The following FOXP1 variants were observed in gnomAD, a reference collection of about 807,000 sequenced individuals.
FOXP1 encodes the protein forkhead box protein P1.
Under a neutral mutation model 98.2 loss-of-function variants are expected in FOXP1, and 15 were observed. The ratio of observed to expected loss-of-function variants is 0.15; its 90% CI spans 0.10 to 0.24. FOXP1 has a LOEUF of 0.24. Among genes scored for constraint, FOXP1 ranks in the 10% least tolerant of loss-of-function variants. The pLI is 1.00. For missense variants in FOXP1, 633 were observed against 848.5 expected (o/e 0.75, Z 3.15); for synonymous variants, 371 against 314.5 (o/e 1.18, Z -1.90).
At chr3:71,398,234 T>C (rs1033074340) in intron 3 of FOXP1, among the ~76,000 whole-genome samples, 1 of 152,248 alleles carries the variant, frequency 6.6e-6, no homozygotes, top group African/African-American at 2.4e-5. Context: ...GTCAAGTCGA[T>C]GTGTGCAATA....
chr3:71,041,283 C>T lies in FOXP1; in HGVS notation c.869+45G>A, dbSNP rs1226535484. ...ACGAGGCAGGGCCACCCACCCCTCT[C>T]ATGTTAAAGGCAGTTTTGGACCCAT... On this transcript the variant is annotated intron_variant, in intron 11 of 20. Transcript: ENST00000649528. The T allele has an allele frequency of 2.6e-6, 4 of 1,542,002 alleles. No homozygotes were observed. The East Asian group carries it at 6.7e-5, about 26-fold the overall frequency.
intron 3 of FOXP1, among the ~76,000 whole-genome samples, chr3:71,361,781 C>A (rs2078589570): frequency 6.6e-6 from 1 of 152,094 alleles, no homozygotes; most frequent in Non-Finnish European, 1.5e-5. Flanking sequence ...TAATGAGAGC[C>A]CTCATGTTTA....
chr3:71,438,608 CCCTTGGGTCTTTTGGA>C (rs2085598218), intron 3 of FOXP1, among the ~76,000 whole-genome samples: 1 of 152,118 alleles, frequency 6.6e-6, no homozygotes, highest in Admixed American at 6.6e-5. Context: ...GACTGCCTCT[CCCTTGGGTCTTTTGGA>C]CCTCATTTAT....
chr3:70,994,279 G>A (rs1050009715), intron 13 of FOXP1, among the ~76,000 whole-genome samples: 1 of 151,812 alleles, frequency 6.6e-6, no homozygotes, highest in Admixed American at 6.6e-5. Flanking sequence ...ACTCCTCCCA[G>A]CTTGCCCAGG....
chr3:71,447,917 T>C (rs2086600544), intron 3 of FOXP1, among the ~76,000 whole-genome samples: 1 of 152,180 alleles, frequency 6.6e-6, no homozygotes, highest in Non-Finnish European at 1.5e-5. Flanking sequence ...CAGAGACAAG[T>C]GTAGACACGT....
At chr3:71,032,488 AC>A (rs2106692105) in intron 11 of FOXP1, among the ~76,000 whole-genome samples, 1 of 152,332 alleles carries the variant, frequency 6.6e-6, no homozygotes, top group East Asian at 1.9e-4. Flanking sequence ...GTGAGCTTCC[AC>A]TATTGTTTTA....
intron 4 of FOXP1, among the ~76,000 whole-genome samples, chr3:71,301,070 C>T (rs890218937): frequency 4.6e-5 from 7 of 152,206 alleles, no homozygotes; most frequent in East Asian, 1.9e-4. Flanking sequence ...TGGAAAAAGA[C>T]GCAGGCTCTG....
chr3:71,176,530 G>T (rs1190687898), intron 6 of FOXP1, among the ~76,000 whole-genome samples: 1 of 152,056 alleles, frequency 6.6e-6, no homozygotes, highest in Non-Finnish European at 1.5e-5. Flanking sequence ...ATAGCATGCT[G>T]CAAACGTCAC....
intron 7 of FOXP1, among the ~76,000 whole-genome samples, chr3:71,059,404 CA>C (rs942785707): frequency 5.9e-5 from 9 of 152,146 alleles, no homozygotes; most frequent in African/African-American, 2.2e-4. Flanking sequence ...CCCAGGCACA[CA>C]AGGTTACTCC....
chr3:71,473,287 T>C (rs1305227818), intron 3 of FOXP1, among the ~76,000 whole-genome samples: 1 of 152,120 alleles, frequency 6.6e-6, no homozygotes, highest in East Asian at 1.9e-4. Flanking sequence ...CCCTAAATTG[T>C]GGGTCAGCAA....
At chr3:71,169,924 A>T (rs1038391504) in intron 6 of FOXP1, among the ~76,000 whole-genome samples, 7 of 152,204 alleles carry the variant, frequency 4.6e-5, no homozygotes, top group Admixed American at 4.6e-4. Flanking sequence ...AGTTAAAACG[A>T]TGGGATGAAT....
At chr3:71,396,609 C>T (rs894595194) in intron 3 of FOXP1, among the ~76,000 whole-genome samples, 1 of 151,900 alleles carries the variant, frequency 6.6e-6, no homozygotes, top group African/African-American at 2.4e-5. Context: ...AAGCAACCTA[C>T]CTTCAAGTAA....
At position 70,955,562 on chromosome 3, in the gene FOXP1, C is replaced by G. The variant is rs114680316; in HGVS notation, c.*3685G>C. Reference sequence around the variant, plus strand: ...ACAGATTTTCTTTACATCTTGGCACCTTGTAAAGTTTTTTTTTTTTTATAC... The same window carrying G: ...ACAGATTTTCTTTACATCTTGGCACGTTGTAAAGTTTTTTTTTTTTTATAC... On this transcript the variant is annotated 3_prime_UTR_variant, in exon 21 of 21. Transcript: ENST00000649528. The G allele has an allele frequency of 8.8e-6, 2 of 227,356 alleles. No homozygotes were observed. Among genetic ancestry groups the G allele is most frequent in the African/African-American group, 2.4e-5 (1 of 41,270 alleles). 14.1% of individuals were successfully genotyped at this position (227,356 alleles called of 1,614,324 possible). A position where few individuals can be genotyped will look rare whatever the true frequency, so the allele number is the denominator to read the frequency against.
intron 7 of FOXP1, among the ~76,000 whole-genome samples, chr3:71,066,330 T>C (rs1193585254): frequency 6.6e-6 from 1 of 152,174 alleles, no homozygotes; most frequent in African/African-American, 2.4e-5. Flanking sequence ...CAAAGTATGA[T>C]CAGATGTTAA....
At chr3:71,091,162 GC>G (rs1368829452) in intron 7 of FOXP1, among the ~76,000 whole-genome samples, 5 of 91,498 alleles carry the variant, frequency 5.5e-5, no homozygotes. Context: ...GAATTAATCT[GC>G]TGGGTAGACA....
intron 9 of FOXP1, among the ~76,000 whole-genome samples, chr3:71,048,350 A>G (rs539709591): frequency 4.6e-5 from 7 of 152,320 alleles, no homozygotes; most frequent in African/African-American, 1.4e-4. Flanking sequence ...ATAAAATGGT[A>G]TGTATATCAA....
intron 5 of FOXP1, among the ~76,000 whole-genome samples, chr3:71,246,814 T>C (rs890979144): frequency 3.9e-4 from 60 of 152,234 alleles, no homozygotes; most frequent in African/African-American, 1.4e-3. Flanking sequence ...CTTCATCGTA[T>C]AGACAATTTC....
In FOXP1 at chr3:71,214,416, G is replaced by A. The variant is rs114540095; in HGVS notation, c.-11-16024C>T. 2.3e-3 allele frequency among the ~76,000 whole-genome samples: 355 copies of A among 152,248 alleles called. 2 individuals are homozygous for A. Among genetic ancestry groups the A allele is most frequent in the Non-Finnish European group, 4.1e-3 (282 of 68,028 alleles). ...CTTCTCTTTGCCTGCTGAGTGCTGG[G>A]GCCACTGGATGACTACAGGGTCAAC... On this transcript the variant is annotated intron_variant, in intron 5 of 20. Coordinates refer to ENST00000649528, the MANE Select transcript of FOXP1 (RefSeq NM_001349338.3).
intron 2 of FOXP1, among the ~76,000 whole-genome samples, chr3:71,548,539 T>G (rs1477390306): frequency 6.6e-6 from 1 of 152,008 alleles, no homozygotes; most frequent in Non-Finnish European, 1.5e-5. Context: ...CCAAGTACTA[T>G]AGGTGTGAGC....
Sources: gnomAD v4.1 joint callset for allele counts (sites outside exome capture counted in the v4.1 genomes callset) on GRCh38, gnomAD v4.1.1 for gene constraint, MANE v1.5 for transcripts, NCBI Gene and HGNC (gene_info 2026-07-23, HGNC 2026-07-21) for gene names.